VPS16: variants seen among roughly 807,000 people sequenced by gnomAD.
The protein encoded by VPS16 is vacuolar protein sorting-associated protein 16 homolog.
In VPS16, 82 loss-of-function variants were observed where a neutral mutation model predicts 116.0. The observed-to-expected ratio is 0.71, with a 90% CI of 0.59 to 0.85. The LOEUF (loss-of-function observed/expected upper bound fraction) is 0.85, where lower values mean the gene tolerates loss of function less well. Ranked by LOEUF, VPS16 falls within the 40% of genes least tolerant of loss-of-function variation. The probability of loss-of-function intolerance (pLI) is 0.00; values close to 1 mark genes in which losing one functional copy is unlikely to be tolerated. For missense variants in VPS16, 928 were observed against 1,090.6 expected (o/e 0.85, Z 2.10); for synonymous variants, 406 against 420.7 (o/e 0.96, Z 0.43).
intron 1 of VPS16, among the ~76,000 whole-genome samples, chr20:2,851,902 C>T (rs920803451): frequency 4.6e-5 from 7 of 151,936 alleles, no homozygotes; most frequent in African/African-American, 1.2e-4. Context: ...AGTCGGGAGG[C>T]GGAGCTTGCA....
At chr20:2,842,844 C>CGATAGATACATGTATCTATCGATA (rs2089011990) in intron 1 of VPS16, among the ~76,000 whole-genome samples, 1 of 20,222 alleles carries the variant, frequency 4.9e-5, no homozygotes, top group Non-Finnish European at 8.1e-5. Context: ...ATGTATCTAT[C>CGATAGATACATGTATCTATCGATA]GATAGATAGA....
intron 1 of VPS16, 71 bp downstream of exon 1, chr20:2,840,898 G>GGCGAGCAGGGTAAGC: frequency 1.4e-6 from 2 of 1,468,848 alleles, no homozygotes; most frequent in Non-Finnish European, 9.2e-7. Context: ...TCTCCCGGCG[G>GGCGAGCAGGGTAAGC]CGTTCGCCCC....
chr20:2,840,771 A>T lies in VPS16; in HGVS notation c.-4A>T, dbSNP rs753261069. ...GTGCTTCCCAGCTGCCGTCTGCACC[A>T]GCCATGGACTGCTACACGGCGAACT... On this transcript the variant is annotated 5_prime_UTR_variant, in exon 1 of 24. Coordinates refer to ENST00000380445, the MANE Select transcript of VPS16 (RefSeq NM_022575.4). 3 of 1,548,314 alleles carry T rather than the reference A, an allele frequency of 1.9e-6. No individual in the cohort carries two copies. Among genetic ancestry groups the T allele is most frequent in the Middle Eastern group, 4.5e-4 (2 of 4,444 alleles).
chr20:2,842,608 A>C (rs1219442449), intron 1 of VPS16, among the ~76,000 whole-genome samples: 3 of 149,638 alleles, frequency 2.0e-5, no homozygotes, highest in African/African-American at 7.4e-5. Context: ...CTCCGTCTAT[A>C]TATAGATATA....
chr20:2,866,654 C>T lies in VPS16; in HGVS notation c.*80C>T, dbSNP rs1433005068. ...GGCAGAAGGGCCATAGTTCATCCAG[C>T]TCCTCCCCTAGAGCAATGCTGAGGA... On this transcript the variant is annotated 3_prime_UTR_variant, in exon 24 of 24. Coordinates refer to ENST00000380445, the MANE Select transcript of VPS16 (RefSeq NM_022575.4). 2 of 1,579,596 alleles carry T rather than the reference C, an allele frequency of 1.3e-6. No individual in the cohort carries two copies. Among genetic ancestry groups the T allele is most frequent in the African/African-American group, 2.7e-5 (2 of 74,148 alleles).
chr20:2,850,367 G>T (rs896164760), intron 1 of VPS16, among the ~76,000 whole-genome samples: 1 of 151,968 alleles, frequency 6.6e-6, no homozygotes, highest in African/African-American at 2.4e-5. Flanking sequence ...AGTGGCTCAT[G>T]CCTGTAATCC....
rs138763982 is a variant in VPS16 at position 2,843,417 on chromosome 20, G to T, written c.53+2590G>T. On this transcript the variant is annotated intron_variant, in intron 1 of 23. Coordinates refer to ENST00000380445, the MANE Select transcript of VPS16 (RefSeq NM_022575.4). ...ACTGTACTCCAGCCTGGGCAACAGA[G>T]CAAGACTCCATCTTGGGGAAAAAAA... is the stretch of plus-strand genomic sequence containing the variant. Among the ~76,000 whole-genome samples, 744 of 151,406 alleles carry T rather than the reference G, an allele frequency of 4.9e-3. 6 individuals are homozygous for T. Among genetic ancestry groups the T allele is most frequent in the African/African-American group, 0.017 (714 of 41,182 alleles).
intron 1 of VPS16, among the ~76,000 whole-genome samples, chr20:2,858,247 CA>C (rs1310153890): frequency 6.6e-6 from 1 of 152,066 alleles, no homozygotes; most frequent in Non-Finnish European, 1.5e-5. Context: ...CTTGTAACTA[CA>C]GGCATGTGCC....
intron 1 of VPS16, among the ~76,000 whole-genome samples, chr20:2,858,344 C>T (rs571812476): frequency 4.5e-4 from 69 of 152,136 alleles, no homozygotes; most frequent in Non-Finnish European, 9.4e-4. Flanking sequence ...TGAGCTCAAG[C>T]AGTCTGCCTG....
intron 1 of VPS16, among the ~76,000 whole-genome samples, chr20:2,855,935 T>C (rs750035898): frequency 6.6e-6 from 1 of 152,248 alleles, no homozygotes; most frequent in African/African-American, 2.4e-5. Flanking sequence ...TGCTTTCTTA[T>C]CATTCCTGTA....
chr20:2,854,364 G>A (rs932705180), intron 1 of VPS16, among the ~76,000 whole-genome samples: 1 of 151,576 alleles, frequency 6.6e-6, no homozygotes, highest in South Asian at 2.1e-4. Context: ...GAGGCTTCAA[G>A]GCTACAGTGA....
At chr20:2,852,954 TAGCATTTTATCC>T (rs1359969790) in intron 1 of VPS16, among the ~76,000 whole-genome samples, 4 of 152,250 alleles carry the variant, frequency 2.6e-5, no homozygotes, top group African/African-American at 9.6e-5. Context: ...TGCTGTCTGA[TAGCATTTTATCC>T]AAAATAGAAC....
In VPS16 at chr20:2,863,061, A is replaced by C. The variant is rs2089256664; in HGVS notation, c.1332-4A>C. On this transcript the variant is annotated splice_region_variant and splice_polypyrimidine_tract_variant and intron_variant, in intron 13 of 23. Transcript: ENST00000380445. This position sits in a 1 kb window ranked among gnomAD's most constrained non-coding sequence, Gnocchi z 4.4. ...AACTGGATCCTTAACCGAGGAAAAT[A>C]CAGATATAAGCAGCTCACCATCCAG... 1 of 1,613,942 alleles carries C rather than the reference A, an allele frequency of 6.2e-7. No individual in the cohort carries two copies. Among genetic ancestry groups the C allele is most frequent in the Non-Finnish European group, 8.5e-7 (1 of 1,180,028 alleles).
intron 1 of VPS16, among the ~76,000 whole-genome samples, chr20:2,842,341 C>T (rs1275091223): frequency 1.3e-5 from 2 of 151,816 alleles, no homozygotes; most frequent in African/African-American, 4.8e-5. Context: ...TTAGGCCAGG[C>T]GCAGTGGCTC....
At position 2,865,014 on chromosome 20, in the gene VPS16, G is replaced by A. The variant is rs371692425; in HGVS notation, c.1963G>A (p.Ala655Thr). 1.8e-5 allele frequency: 29 copies of A among 1,613,988 alleles called. No homozygotes were observed. The highest frequency in any genetic ancestry group is 1.3e-4 in the South Asian group (12 of 91,086). ...EGRVAALQTA[A>T]DAFYKAKNEF... ...GCGAGTAGCAGCTCTGCAGACAGCC[G>A]CCGATGCCTTCTACAAGGCCAAGAA... The change falls in exon 20 of 24, where the codon GCC becomes ACC. Residue 655 changes from alanine (A) to threonine (T), a missense_variant. Transcript: ENST00000380445. This position sits in a 1 kb window ranked among gnomAD's most constrained non-coding sequence, Gnocchi z 5.2.
In VPS16 at chr20:2,848,240, TATTTTTA is replaced by T. The variant is rs151086568; in HGVS notation, c.53+7419_53+7425del. Among the ~76,000 whole-genome samples, 793 of 152,296 alleles carry T rather than the reference TATTTTTA, an allele frequency of 5.2e-3. 5 individuals carry two copies. Among genetic ancestry groups the T allele is most frequent in the African/African-American group, 0.018 (734 of 41,558 alleles). The stretch of plus-strand genomic sequence containing the variant: ...AAGGGCTCTACTTCTATTTATTTTT[TATTTTTA>T]ATTTTAATTTTTTAGAGACAAAGTC... On this transcript the variant is annotated intron_variant, in intron 1 of 23. Transcript: ENST00000380445.
Position 2,861,031 on chromosome 20 carries a change from A to C in VPS16, c.692A>C (p.Tyr231Ser). The C allele has an allele frequency of 1.2e-6, 2 of 1,614,148 alleles. No individual in the cohort carries two copies. Among genetic ancestry groups the C allele is most frequent in the African/African-American group, 1.3e-5 (1 of 75,030 alleles). The part of the protein sequence containing the change: ...SFLQMAVSFT[Y>S]RHLALFTDTG... ...CTACAGATGGCTGTCTCCTTCACCT[A>C]CCGACACCTGGCACTCTTCACAGAC... The change falls in exon 7 of 24, where the codon TAC becomes TCC. Residue 231 changes from tyrosine (Y) to serine (S), a missense_variant. Coordinates refer to ENST00000380445, the MANE Select transcript of VPS16 (RefSeq NM_022575.4).
Position 2,864,181 on chromosome 20 carries a change from G to T in VPS16, c.1614G>T (p.Leu538=), listed in dbSNP as rs368759422. 6.2e-6 allele frequency: 10 copies of T among 1,614,092 alleles called. No homozygotes were observed. The highest frequency in any genetic ancestry group is 8.5e-6 in the Non-Finnish European group (10 of 1,180,028). ...GCGRTELAIK[L]LEYEPRSGEQ... The stretch of plus-strand genomic sequence containing the variant: ...GTGCCTTCCTTCTCACCTCACAGCT[G>T]CTGGAGTATGAGCCACGCTCAGGGG... The change falls in exon 17 of 24, where the codon CTG becomes CTT. Residue 538 remains leucine, a splice_region_variant and synonymous_variant. Transcript: ENST00000380445. The surrounding 1 kb of genome is among the most constrained non-coding windows in gnomAD (Gnocchi z 5.2).
At position 2,864,680 on chromosome 20, in the gene VPS16, G is replaced by T; in HGVS notation, c.1926+26G>T. 6.2e-7 allele frequency: 1 copy of T among 1,610,402 alleles called. No homozygotes were observed. Among genetic ancestry groups the T allele is most frequent in the Middle Eastern group, 1.7e-4 (1 of 6,040 alleles). On this transcript the variant is annotated intron_variant, in intron 19 of 23. Coordinates refer to ENST00000380445, the MANE Select transcript of VPS16 (RefSeq NM_022575.4). The surrounding 1 kb of genome is among the most constrained non-coding windows in gnomAD (Gnocchi z 5.2). The stretch of plus-strand genomic sequence containing the variant: ...GTCTGAGATCCATGGGGCGTGTGGG[G>T]CGTGTGGGGCATGTGGGCTGGGGCT...
Sources: allele counts gnomAD v4.1 joint callset (sites outside exome capture counted in the v4.1 genomes callset), GRCh38; gene constraint gnomAD v4.1.1; non-coding constraint Gnocchi (gnomAD v3.1); transcripts MANE v1.5; gene names NCBI Gene and HGNC (gene_info 2026-07-23, HGNC 2026-07-21).